Variants in GPR22 observed in about 807,000 individuals in gnomAD.
GPR22 encodes G protein-coupled receptor 22.
In GPR22, 13 loss-of-function variants were observed where a neutral mutation model predicts 31.0. The observed-to-expected ratio is 0.42, with a 90% CI of 0.27 to 0.67. The LOEUF is 0.67. Among genes scored for constraint, GPR22 ranks in the 30% least tolerant of loss-of-function variants. The pLI is 0.25. For synonymous variants in GPR22, 191 were observed against 173.4 expected, an observed-to-expected ratio of 1.10 and a Z score of -0.80; for missense variants, 368 against 509.6, an observed-to-expected ratio of 0.72 and a Z score of 2.67.
chr7:107,476,184 T>TAAAAAA (rs34741713), downstream of GPR22, among the ~76,000 whole-genome samples: 13 of 44,032 alleles, frequency 3.0e-4, no homozygotes, highest in South Asian at 1.2e-3. Flanking sequence ...GCAATGATTT[T>TAAAAAA]AAAAAAAAAA....
chr7:107,473,712 A>G (rs1374408355), intron 2 of GPR22, among the ~76,000 whole-genome samples: 3 of 152,012 alleles, frequency 2.0e-5, no homozygotes, highest in Non-Finnish European at 4.4e-5. Context: ...TTTGTATGCT[A>G]GGAAGTTTTA....
Position 107,475,405 on chromosome 7 carries a change from T to A in GPR22, c.*43T>A. 1.1e-6 allele frequency: 1 copy of A among 902,590 alleles called. No homozygotes were observed. Among genetic ancestry groups the A allele is most frequent in the Non-Finnish European group, 1.7e-6 (1 of 601,214 alleles). 55.9% of individuals were successfully genotyped at this position (902,590 alleles called of 1,614,324 possible). A position where few individuals can be genotyped will look rare whatever the true frequency, so the allele number is the denominator to read the frequency against. Reference sequence around the variant, plus strand: ...ACCAAATCCACATTCAAATGAGTTTTAAATTTAAATTGTAAAAACTGATAT... The same window carrying A: ...ACCAAATCCACATTCAAATGAGTTTAAAATTTAAATTGTAAAAACTGATAT... On this transcript the variant is annotated 3_prime_UTR_variant, in exon 3 of 3. Coordinates refer to ENST00000304402, the MANE Select transcript of GPR22 (RefSeq NM_005295.3).
At chr7:107,476,184 T>TAAAAAAAA (rs34741713), downstream of GPR22, among the ~76,000 whole-genome samples, 4 of 44,028 alleles carry the variant, frequency 9.1e-5, no homozygotes, top group African/African-American at 4.1e-4. Flanking sequence ...GCAATGATTT[T>TAAAAAAAA]AAAAAAAAAA....
At chr7:107,476,184 T>TAAAAAAAAAAAAAAAA (rs34741713), downstream of GPR22, among the ~76,000 whole-genome samples, 28 of 43,964 alleles carry the variant, frequency 6.4e-4, no homozygotes, top group Non-Finnish European at 9.4e-4. Flanking sequence ...GCAATGATTT[T>TAAAAAAAAAAAAAAAA]AAAAAAAAAA....
downstream of GPR22, among the ~76,000 whole-genome samples, chr7:107,476,028 G>C (rs904603240): frequency 6.7e-6 from 1 of 150,232 alleles, no homozygotes; most frequent in African/African-American, 2.5e-5. Context: ...GGAAAAAAAA[G>C]ATTGATTTTC....
chr7:107,475,874 C>G (rs951437834), downstream of GPR22, among the ~76,000 whole-genome samples: 2 of 151,338 alleles, frequency 1.3e-5, no homozygotes, highest in African/African-American at 4.8e-5. Flanking sequence ...ATATTTGATG[C>G]ATCACAAATA....
chr7:107,475,252 A>T lies in GPR22; in HGVS notation c.1192A>T (p.Asn398Tyr). The change falls in exon 3 of 3, where the codon AAT becomes TAT. Residue 398 changes from asparagine (N) to tyrosine (Y), a missense_variant. By Grantham distance (143) the Asn-to-Tyr change is moderately radical. Transcript: ENST00000304402. ...AGTAGAAGCTGATCCCCTGCCTAAT[A>T]ATGCTGTAATACACAACTCTTGGAT... ...SIVEADPLPN[N>Y]AVIHNSWIDP... The T allele has an allele frequency of 6.2e-7, 1 of 1,604,764 alleles. No homozygotes were observed. Among genetic ancestry groups the T allele is most frequent in the Non-Finnish European group, 8.5e-7 (1 of 1,171,942 alleles).
chr7:107,476,252 C>T (rs951767103), downstream of GPR22, among the ~76,000 whole-genome samples: 1 of 140,706 alleles, frequency 7.1e-6, no homozygotes, highest in Non-Finnish European at 1.5e-5. Context: ...TTATTCAACT[C>T]AGCTCTTTTG....
At chr7:107,476,184 T>TAAAAAAAAA (rs34741713), downstream of GPR22, among the ~76,000 whole-genome samples, 1 of 44,056 alleles carries the variant, frequency 2.3e-5, no homozygotes, top group African/African-American at 1.0e-4. Context: ...GCAATGATTT[T>TAAAAAAAAA]AAAAAAAAAA....
intron 2 of GPR22, 53 bp downstream of exon 2, chr7:107,472,355 A>C (rs139731518): frequency 2.7e-4 from 41 of 152,122 alleles, no homozygotes; most frequent in African/African-American, 9.1e-4. Context: ...ATTTGCCAAA[A>C]ACTGTCATAG....
At position 107,474,207 on chromosome 7, in the gene GPR22, G is replaced by A; in HGVS notation, c.147G>A (p.Met49Ile). The A allele has an allele frequency of 6.2e-7, 1 of 1,613,032 alleles. No individual in the cohort carries two copies. Among genetic ancestry groups the A allele is most frequent in the Non-Finnish European group, 8.5e-7 (1 of 1,179,216 alleles). ...SFQVSLTGFL[M>I]LEIVLGLGSN... Reference sequence around the variant, plus strand: ...AAGTGTCTCTCACCGGATTTCTTATGTTAGAAATTGTGTTGGGACTTGGCA... The same window carrying A: ...AAGTGTCTCTCACCGGATTTCTTATATTAGAAATTGTGTTGGGACTTGGCA... Residue 49 changes from methionine to isoleucine, a missense_variant, in exon 3 of 3, where the codon ATG becomes ATA. Met to Ile is a conservative substitution (Grantham distance 10). Coordinates refer to ENST00000304402, the MANE Select transcript of GPR22 (RefSeq NM_005295.3). This position sits in a 1 kb window ranked among gnomAD's most constrained non-coding sequence, Gnocchi z 5.7.
chr7:107,471,077 G>C (rs1421580472), intron 1 of GPR22, among the ~76,000 whole-genome samples: 1 of 151,852 alleles, frequency 6.6e-6, no homozygotes, highest in African/African-American at 2.4e-5. Flanking sequence ...TGAAAATACA[G>C]GTTAGCTTCT....
At chr7:107,476,751 T>G (rs1797020642), downstream of GPR22, among the ~76,000 whole-genome samples, 1 of 151,702 alleles carries the variant, frequency 6.6e-6, no homozygotes, top group Non-Finnish European at 1.5e-5. Flanking sequence ...TATTCTATTT[T>G]CTGAAACTGT....
rs759960798 is a variant in GPR22 at position 107,470,232 on chromosome 7, T to C, written c.-1171T>C. The C allele has an allele frequency of 2.6e-4, 40 of 152,256 alleles. No individual in the cohort carries two copies. The highest frequency in any genetic ancestry group is 5.0e-4 in the Non-Finnish European group (34 of 68,064). 9.4% of individuals were successfully genotyped at this position (152,256 alleles called of 1,614,324 possible). On this transcript the variant is annotated 5_prime_UTR_variant, in exon 1 of 3. Coordinates refer to ENST00000304402, the MANE Select transcript of GPR22 (RefSeq NM_005295.3). ...TTCCACAGTAGGAAGAGTGAGAGACTGCAGCAGCCTCTAAGCAGCACTACA... is the reference window on the plus strand; with the variant it reads ...TTCCACAGTAGGAAGAGTGAGAGACCGCAGCAGCCTCTAAGCAGCACTACA...
Position 107,474,550 on chromosome 7 carries a change from AT to A in GPR22, c.493del (p.Trp165GlyfsTer9). The stretch of plus-strand genomic sequence containing the variant: ...CAGAGCTGTAATGTTAATGATATCC[AT>A]TTGGATTTTTTCTTTTTTCTCTTTC... ...MGRAVMLMISIWIFSFFSFLI... is the reference protein window; with the variant it reads ...MGRAVMLMISXWIFSFFSFLI... On this transcript the variant is annotated frameshift_variant, in exon 3 of 3. Transcript: ENST00000304402. LOFTEE classifies it high-confidence loss of function. The surrounding 1 kb of genome is among the most constrained non-coding windows in gnomAD (Gnocchi z 5.7). The A allele has an allele frequency of 2.5e-6, 4 of 1,610,962 alleles. No homozygotes were observed. The highest frequency in any genetic ancestry group is 3.4e-6 in the Non-Finnish European group (4 of 1,178,316).
rs962854808 is a variant in GPR22 at position 107,475,572 on chromosome 7, CAT to C, written c.*211_*212del. ...GCATGGCAGTTTGTTAAAGTACTAT[CAT>C]GTGTATATTTTGTCAATATTATGTC... On this transcript the variant is annotated 3_prime_UTR_variant, in exon 3 of 3. Transcript: ENST00000304402. The C allele has an allele frequency of 1.1e-4, 45 of 426,816 alleles. No individual in the cohort carries two copies. The Admixed American group carries it at 1.3e-3, about 13-fold the overall frequency. The allele number at this position is 426,816 out of a possible 1,614,324, so 26.4% of individuals were successfully genotyped here.
intron 2 of GPR22, 38 bp downstream of exon 2, chr7:107,472,340 T>C (rs1796684762): frequency 6.6e-6 from 1 of 152,014 alleles, no homozygotes; most frequent in South Asian, 2.1e-4. Flanking sequence ...TGATATCATG[T>C]ATCAATTTGC....
Position 107,475,240 on chromosome 7 carries a change from C to G in GPR22, c.1180C>G (p.Pro394Ala). 6.2e-7 allele frequency: 1 copy of G among 1,608,138 alleles called. No individual in the cohort carries two copies. Among genetic ancestry groups the G allele is most frequent in the South Asian group, 1.1e-5 (1 of 90,900 alleles). Reference protein sequence around the residue: ...KRVVSIVEADPLPNNAVIHNS... With the variant: ...KRVVSIVEADALPNNAVIHNS... The stretch of plus-strand genomic sequence containing the variant: ...AGTTGTTTCTATAGTAGAAGCTGAT[C>G]CCCTGCCTAATAATGCTGTAATACA... The change falls in exon 3 of 3, where the codon CCC becomes GCC. Residue 394 changes from proline (P) to alanine (A), a missense_variant. By Grantham distance (27) the Pro-to-Ala change is conservative. Transcript: ENST00000304402.
chr7:107,473,046 T>C (rs948942220), intron 2 of GPR22: 6 of 151,794 alleles, frequency 4.0e-5, no homozygotes, highest in African/African-American at 1.4e-4. Context: ...TCTTCAAAAT[T>C]AGACAATGGG....
Sources: allele counts gnomAD v4.1 joint callset (sites outside exome capture counted in the v4.1 genomes callset), GRCh38; gene constraint gnomAD v4.1.1; non-coding constraint Gnocchi (gnomAD v3.1); transcripts MANE v1.5; gene names NCBI Gene and HGNC (gene_info 2026-07-23, HGNC 2026-07-21).